Variants in MAP3K20 observed in about 807,000 individuals in gnomAD.
The protein encoded by MAP3K20 is HCCS-4.
In MAP3K20, 40 loss-of-function variants were observed where a neutral mutation model predicts 85.7. The ratio of observed to expected loss-of-function variants is 0.47; its 90% CI spans 0.36 to 0.61. The LOEUF is 0.61. MAP3K20 is among the 20% of genes least tolerant of loss of function. The pLI is 0.00. For missense variants in MAP3K20, 817 were observed against 961.7 expected (o/e 0.85, Z 1.99); for synonymous variants, 325 against 327.7 (o/e 0.99, Z 0.09).
At chr2:173,161,931 C>T (rs1689671097) in intron 2 of MAP3K20, among the ~76,000 whole-genome samples, 1 of 152,134 alleles carries the variant, frequency 6.6e-6, no homozygotes, top group South Asian at 2.1e-4. Flanking sequence ...TTTTTCCTGA[C>T]CCAATCCTAG....
intron 16 of MAP3K20, among the ~76,000 whole-genome samples, chr2:173,251,063 C>A (rs534957522): frequency 6.6e-6 from 1 of 152,140 alleles, no homozygotes; most frequent in Non-Finnish European, 1.5e-5. Context: ...TATAAAGGAG[C>A]CTTCAGAGGC....
At chr2:173,126,469 T>C (rs1688447791) in intron 2 of MAP3K20, among the ~76,000 whole-genome samples, 1 of 152,174 alleles carries the variant, frequency 6.6e-6, no homozygotes, top group African/African-American at 2.4e-5. Flanking sequence ...AACCTCCACC[T>C]CCCAGGTTCA....
intron 1 of MAP3K20, among the ~76,000 whole-genome samples, chr2:173,079,577 C>T (rs1461800502): frequency 1.3e-5 from 2 of 152,090 alleles, no homozygotes; most frequent in Admixed American, 1.3e-4. Context: ...TAGCTTAAAA[C>T]ACAAACACAT....
At chr2:173,117,894 A>G (rs1004986551) in intron 2 of MAP3K20, among the ~76,000 whole-genome samples, 1 of 152,142 alleles carries the variant, frequency 6.6e-6, no homozygotes, top group African/African-American at 2.4e-5. Context: ...TTTCCTGCCT[A>G]TCATTCATCA....
At chr2:173,230,230 T>C (rs1226293568) in intron 12 of MAP3K20, among the ~76,000 whole-genome samples, 1 of 152,122 alleles carries the variant, frequency 6.6e-6, no homozygotes, top group Non-Finnish European at 1.5e-5. Context: ...CCTTCCTAAA[T>C]TACTCTGAAA....
At chr2:173,121,633 C>T (rs906520806) in intron 2 of MAP3K20, among the ~76,000 whole-genome samples, 6 of 152,000 alleles carry the variant, frequency 3.9e-5, no homozygotes, top group Non-Finnish European at 7.4e-5. Context: ...GTGATCCGCC[C>T]GCCTTGGCCT....
chr2:173,209,953 AAAAAG>A (rs1227221357), intron 10 of MAP3K20, 118 bp downstream of exon 10: 7 of 921,698 alleles, frequency 7.6e-6, no homozygotes, highest in Non-Finnish European at 1.0e-5. Context: ...TAGCTTAGGG[AAAAAG>A]AAAAGGTTTT....
chr2:173,145,987 C>G (rs976258492), intron 2 of MAP3K20, among the ~76,000 whole-genome samples: 1 of 152,008 alleles, frequency 6.6e-6, no homozygotes, highest in African/African-American at 2.4e-5. Flanking sequence ...CATCATGATT[C>G]CACTCACGTG....
chr2:173,215,241 C>T (rs906296192), intron 10 of MAP3K20, among the ~76,000 whole-genome samples: 1 of 151,674 alleles, frequency 6.6e-6, no homozygotes, highest in African/African-American at 2.4e-5. Flanking sequence ...TAGATGCTGT[C>T]CCCAGGCCTC....
intron 4 of MAP3K20, among the ~76,000 whole-genome samples, chr2:173,187,001 C>T (rs778297213): frequency 1.3e-5 from 2 of 152,022 alleles, no homozygotes; most frequent in African/African-American, 4.8e-5. Flanking sequence ...ATTTACCAAC[C>T]GTAACTAATC....
At chr2:173,203,982 T>G (rs764598031) in intron 9 of MAP3K20, 112 bp downstream of exon 9, 1 of 958,506 alleles carries the variant, frequency 1.0e-6, no homozygotes, top group African/African-American at 1.6e-5. Context: ...GCTGGATTGA[T>G]GCTCCTATGA....
chr2:173,091,758 A>G (rs1439747322), intron 2 of MAP3K20, among the ~76,000 whole-genome samples: 1 of 152,156 alleles, frequency 6.6e-6, no homozygotes, highest in Non-Finnish European at 1.5e-5. Flanking sequence ...AAAATCAGAA[A>G]AGGGTCTTGG....
In MAP3K20 at chr2:173,198,061, T is replaced by C; in HGVS notation, c.618T>C (p.Phe206=). ...LWEMLTREVP[F]KGLEGLQVAW... Reference sequence around the variant, plus strand: ...AGATGCTAACAAGGGAGGTCCCCTTTAAAGGTTTGGAAGGATTACAAGTAG... The same window carrying C: ...AGATGCTAACAAGGGAGGTCCCCTTCAAAGGTTTGGAAGGATTACAAGTAG... Residue 206 remains phenylalanine (F), a synonymous_variant, in exon 8 of 20, where the codon TTT becomes TTC. Coordinates refer to ENST00000375213, the MANE Select transcript of MAP3K20 (RefSeq NM_016653.3). The surrounding 1 kb of genome is among the most constrained non-coding windows in gnomAD (Gnocchi z 5.8). 15 of 1,613,102 alleles carry C rather than the reference T, an allele frequency of 9.3e-6. No homozygotes were observed. The highest frequency in any genetic ancestry group is 1.3e-5 in the Non-Finnish European group (15 of 1,179,368).
intron 11 of MAP3K20, among the ~76,000 whole-genome samples, chr2:173,220,080 G>GAAAAAAAAAAAAAAAAAAAAA (rs76443589): frequency 1.2e-5 from 1 of 85,466 alleles, no homozygotes. Context: ...AAAAAAAAAG[G>GAAAAAAAAAAAAAAAAAAAAA]AAACTGATCC....
At chr2:173,193,203 G>A (rs1690716651) in intron 7 of MAP3K20, 1 of 152,238 alleles carries the variant, frequency 6.6e-6, no homozygotes, top group South Asian at 2.1e-4. Context: ...TTGGTGTTAG[G>A]TATATATGTA....
chr2:173,075,874 T>G lies in MAP3K20; in HGVS notation c.-163T>G, dbSNP rs1403469414. The G allele has an allele frequency of 2.0e-6, 2 of 984,978 alleles. No individual in the cohort carries two copies. The highest frequency in any genetic ancestry group is 2.4e-6 in the Non-Finnish European group (2 of 829,840). The allele number at this position is 984,978 out of a possible 1,614,324, so 61.0% of individuals were successfully genotyped here. On this transcript the variant is annotated 5_prime_UTR_variant, in exon 1 of 20. An upstream start codon of the reference 5' UTR is lost. Coordinates refer to ENST00000375213, the MANE Select transcript of MAP3K20 (RefSeq NM_016653.3). ...ATTGGCGCCGTGCAGAGAGGCGGAA[T>G]GTTCAACTCCTAACTGCAGCGGAAA...
At chr2:173,134,393 CATATATAT>C (rs1162728873) in intron 2 of MAP3K20, among the ~76,000 whole-genome samples, 126 of 12,336 alleles carry the variant, frequency 0.01, 6 homozygotes, top group Non-Finnish European at 0.014. Flanking sequence ...TGTCTCTATA[CATATATAT>C]ATATATATAT....
chr2:173,099,505 T>A (rs1216725478), intron 2 of MAP3K20, among the ~76,000 whole-genome samples: 1 of 151,998 alleles, frequency 6.6e-6, no homozygotes, highest in South Asian at 2.1e-4. Context: ...TGTCTTTTTT[T>A]ATTTTCTGAC....
chr2:173,175,812 C>T (rs1690136461), intron 3 of MAP3K20, among the ~76,000 whole-genome samples: 1 of 152,042 alleles, frequency 6.6e-6, no homozygotes, highest in Non-Finnish European at 1.5e-5. Flanking sequence ...GGGTGTTTGA[C>T]TAGATGGTGA....
Sources: allele counts gnomAD v4.1 joint callset (sites outside exome capture counted in the v4.1 genomes callset), GRCh38; gene constraint gnomAD v4.1.1; non-coding constraint Gnocchi (gnomAD v3.1); transcripts MANE v1.5; gene names NCBI Gene and HGNC (gene_info 2026-07-23, HGNC 2026-07-21).